Variants in NRXN3 observed in about 807,000 individuals in gnomAD.
NRXN3 encodes neurexin 3, also known as neurexin III.
NRXN3 carries 32 observed loss-of-function variants against 137.6 expected under a neutral mutation model. The ratio of observed to expected loss-of-function variants is 0.23; its 90% confidence interval spans 0.18 to 0.31. The LOEUF is 0.31. Among genes scored for constraint, NRXN3 ranks in the 10% least tolerant of loss-of-function variants. NRXN3 has a pLI of 1.00. For synonymous variants in NRXN3, 798 were observed against 784.5 expected (o/e 1.02, Z -0.29); for missense variants, 1,574 against 2,062.5 (o/e 0.76, Z 4.59).
intron 6 of NRXN3, among the ~76,000 whole-genome samples, chr14:78,673,513 A>G (rs559832545): frequency 1.5e-4 from 23 of 152,164 alleles, no homozygotes; most frequent in Non-Finnish European, 2.8e-4. Flanking sequence ...TGGGTACGAA[A>G]ATAAAGACAG....
intron 16 of NRXN3, among the ~76,000 whole-genome samples, chr14:79,505,073 G>A (rs1413559800): frequency 6.6e-6 from 1 of 152,100 alleles, no homozygotes; most frequent in African/African-American, 2.4e-5. Flanking sequence ...AAATTAGCCA[G>A]GTGTGGTGGT....
intron 1 of NRXN3, among the ~76,000 whole-genome samples, chr14:78,199,809 A>C (rs903672394): frequency 1.3e-4 from 20 of 152,222 alleles, no homozygotes; most frequent in African/African-American, 4.8e-4. Flanking sequence ...TGATGCGAGC[A>C]GCTGCCTTGG....
At chr14:78,733,338 C>T (rs1325401133) in intron 8 of NRXN3, among the ~76,000 whole-genome samples, 1 of 152,108 alleles carries the variant, frequency 6.6e-6, no homozygotes, top group East Asian at 1.9e-4. Context: ...ATCCTTTTCT[C>T]ACCCATATAT....
intron 20 of NRXN3, among the ~76,000 whole-genome samples, chr14:79,833,310 A>C (rs948802670): frequency 1.3e-5 from 2 of 152,154 alleles, no homozygotes; most frequent in African/African-American, 2.4e-5. Context: ...TTTTATATTA[A>C]CTCAGATAAC....
At chr14:78,603,498 G>T (rs2097218899) in intron 4 of NRXN3, among the ~76,000 whole-genome samples, 1 of 152,194 alleles carries the variant, frequency 6.6e-6, no homozygotes, top group Non-Finnish European at 1.5e-5. Context: ...AAAGAGAGAG[G>T]ACTTATCGGT....
intron 15 of NRXN3, among the ~76,000 whole-genome samples, chr14:79,058,145 G>GA (rs887189043): frequency 2.6e-5 from 4 of 151,018 alleles, no homozygotes; most frequent in Non-Finnish European, 4.4e-5. Context: ...TTGTGGGCTG[G>GA]AAAAAAAAAG....
chr14:78,801,483 G>A (rs950011503), intron 8 of NRXN3, among the ~76,000 whole-genome samples: 3 of 152,204 alleles, frequency 2.0e-5, no homozygotes, highest in Non-Finnish European at 2.9e-5. Context: ...AAGAGCATGT[G>A]AAGGGAGGAA....
At chr14:79,583,225 T>G (rs971919661) in intron 16 of NRXN3, among the ~76,000 whole-genome samples, 2 of 152,164 alleles carry the variant, frequency 1.3e-5, no homozygotes, top group South Asian at 2.1e-4. Context: ...GAGCCTCGGG[T>G]TTCTCATCTT....
At chr14:78,191,222 C>T (rs943470982) in intron 1 of NRXN3, among the ~76,000 whole-genome samples, 7 of 152,150 alleles carry the variant, frequency 4.6e-5, no homozygotes, top group African/African-American at 1.7e-4. Context: ...GACTAACTTA[C>T]ATGTTTCAGA....
At chr14:78,785,976 A>T (rs1357177249) in intron 8 of NRXN3, among the ~76,000 whole-genome samples, 1 of 152,172 alleles carries the variant, frequency 6.6e-6, no homozygotes, top group African/African-American at 2.4e-5. Flanking sequence ...TTTACAGTCA[A>T]AATGATTATC....
At chr14:79,032,582 T>A (rs1440187502) in intron 15 of NRXN3, among the ~76,000 whole-genome samples, 1 of 152,182 alleles carries the variant, frequency 6.6e-6, no homozygotes, top group East Asian at 1.9e-4. Context: ...ACTTTGATAT[T>A]TCTTAAATAT....
intron 4 of NRXN3, among the ~76,000 whole-genome samples, chr14:78,340,914 A>G (rs543668544): frequency 2.0e-5 from 3 of 152,198 alleles, no homozygotes; most frequent in Non-Finnish European, 4.4e-5. Context: ...TAGCCCAAAT[A>G]AACGATAGCA....
chr14:79,289,631 A>AG (rs2082840281), intron 15 of NRXN3, among the ~76,000 whole-genome samples: 1 of 152,044 alleles, frequency 6.6e-6, no homozygotes, highest in Non-Finnish European at 1.5e-5. Flanking sequence ...AAAAAAAAAA[A>AG]TTAATCATGA....
At chr14:79,657,496 A>G (rs2098511932) in intron 16 of NRXN3, among the ~76,000 whole-genome samples, 1 of 152,184 alleles carries the variant, frequency 6.6e-6, no homozygotes, top group African/African-American at 2.4e-5. Flanking sequence ...AGATTTTTCA[A>G]CGGAGAGACC....
intron 15 of NRXN3, among the ~76,000 whole-genome samples, chr14:79,155,962 T>G (rs2060218427): frequency 1.3e-5 from 2 of 151,872 alleles, no homozygotes; most frequent in Non-Finnish European, 2.9e-5. Context: ...TTCAACAATA[T>G]AACCTAAATT....
At chr14:79,414,497 A>G (rs775663546) in intron 15 of NRXN3, among the ~76,000 whole-genome samples, 6 of 152,104 alleles carry the variant, frequency 3.9e-5, no homozygotes, top group Non-Finnish European at 8.8e-5. Context: ...TCTTTCTCCC[A>G]CAGTAAAGAA....
chr14:79,480,318 G>GT (rs1162045270), intron 16 of NRXN3, among the ~76,000 whole-genome samples: 2 of 152,088 alleles, frequency 1.3e-5, no homozygotes, highest in East Asian at 1.9e-4. Context: ...ACTGGAGCTG[G>GT]TTTTTTTGCA....
intron 16 of NRXN3, among the ~76,000 whole-genome samples, chr14:79,659,747 A>C (rs554275126): frequency 6.6e-6 from 1 of 152,270 alleles, no homozygotes; most frequent in Admixed American, 6.5e-5. Flanking sequence ...CTCTTTATGA[A>C]AGAGAAATCA....
chr14:78,962,142 A>G (rs1404175346), intron 11 of NRXN3, among the ~76,000 whole-genome samples: 1 of 152,212 alleles, frequency 6.6e-6, no homozygotes, highest in African/African-American at 2.4e-5. Flanking sequence ...TCATTGTACT[A>G]GTAAAGATAT....
Sources: allele counts gnomAD v4.1 joint callset (sites outside exome capture counted in the v4.1 genomes callset), GRCh38; gene constraint gnomAD v4.1.1; transcripts MANE v1.5; gene names NCBI Gene and HGNC (gene_info 2026-07-23, HGNC 2026-07-21).